Variants in NFATC2 observed in about 807,000 individuals in gnomAD.
NFATC2 encodes the protein nuclear factor of activated T cells 2, also known as nuclear factor of activated T-cells, cytoplasmic 2.
A neutral mutation model predicts 87.3 loss-of-function variants in NFATC2; 22 were observed. That is an observed-to-expected ratio of 0.25 (90% CI 0.18 to 0.36). The LOEUF (loss-of-function observed/expected upper bound fraction) is 0.36, where lower values mean the gene tolerates loss of function less well. Among genes scored for constraint, NFATC2 ranks in the 10% least tolerant of loss-of-function variants. The pLI is 1.00. For synonymous variants in NFATC2, 565 were observed against 542.2 expected (o/e 1.04, Z -0.58); for missense variants, 1,149 against 1,259.1 (o/e 0.91, Z 1.32).
intron 3 of NFATC2, among the ~76,000 whole-genome samples, chr20:51,487,140 A>G (rs1989776967): frequency 6.6e-6 from 1 of 152,198 alleles, no homozygotes; most frequent in African/African-American, 2.4e-5. Flanking sequence ...TTAGGAAACA[A>G]GGTATCTACT....
chr20:51,529,659 C>CT lies in NFATC2; in HGVS notation c.131-5550dup, dbSNP rs202064810. On this transcript the variant is annotated intron_variant, in intron 1 of 10. Coordinates refer to ENST00000371564, the MANE Select transcript of NFATC2 (RefSeq NM_012340.5). The stretch of plus-strand genomic sequence containing the variant: ...CTCAGGAGGATTTCCAAAAAGCTTG[C>CT]TTTTTTTTTAACCACTTGCACGATC... 2.4e-4 allele frequency among the ~76,000 whole-genome samples: 37 copies of CT among 151,234 alleles called. 1 individual carries two copies. The highest frequency in any genetic ancestry group is 6.8e-3 in the Middle Eastern group (2 of 292).
intron 9 of NFATC2, among the ~76,000 whole-genome samples, chr20:51,401,572 A>T (rs1255522571): frequency 6.6e-6 from 1 of 152,218 alleles, no homozygotes; most frequent in East Asian, 1.9e-4. Flanking sequence ...GCGGACGTCA[A>T]GAGAAAAGGC....
chr20:51,422,958 G>A (rs1285766014), intron 9 of NFATC2, among the ~76,000 whole-genome samples: 2 of 151,380 alleles, frequency 1.3e-5, no homozygotes, highest in Non-Finnish European at 2.9e-5. Flanking sequence ...ACTACAGCTA[G>A]CGCTGATATT....
At chr20:51,489,309 T>C (rs753963568) in intron 3 of NFATC2, among the ~76,000 whole-genome samples, 7 of 152,194 alleles carry the variant, frequency 4.6e-5, no homozygotes, top group African/African-American at 4.8e-5. Context: ...GCTTGGAGTA[T>C]AGAGGTGGTA....
At chr20:51,486,144 GAGGTTGCAGTAAGCCA>G (rs1317092806) in intron 3 of NFATC2, among the ~76,000 whole-genome samples, 3 of 152,070 alleles carry the variant, frequency 2.0e-5, no homozygotes, top group Non-Finnish European at 4.4e-5. Context: ...CCGGGAGGCA[GAGGTTGCAGTAAGCCA>G]AGATCGTGCC....
At chr20:51,556,428 G>C (rs2076978964) in intron 1 of NFATC2, among the ~76,000 whole-genome samples, 1 of 152,116 alleles carries the variant, frequency 6.6e-6, no homozygotes, top group South Asian at 2.1e-4. Flanking sequence ...TTTGGTCCCT[G>C]GTCCTTGACG....
intron 5 of NFATC2, among the ~76,000 whole-genome samples, chr20:51,465,238 A>G (rs1987560833): frequency 6.6e-6 from 1 of 152,116 alleles, no homozygotes; most frequent in South Asian, 2.1e-4. Flanking sequence ...AAATAAAAAA[A>G]TTAGCCAGGT....
At chr20:51,534,182 A>C (rs1353751460) in intron 1 of NFATC2, among the ~76,000 whole-genome samples, 1 of 151,984 alleles carries the variant, frequency 6.6e-6, no homozygotes, top group East Asian at 1.9e-4. Flanking sequence ...GGGTGCAGGG[A>C]AATTCCCAAG....
chr20:51,455,830 T>G (rs1222532533), intron 5 of NFATC2, among the ~76,000 whole-genome samples: 72 of 1,568 alleles, frequency 0.046, no homozygotes, highest in Middle Eastern at 0.12. Context: ...ATGGATGAAT[T>G]GATGGGTGGG....
intron 3 of NFATC2, among the ~76,000 whole-genome samples, chr20:51,477,533 GTCTATATA>G (rs1336345035): frequency 2.5e-4 from 17 of 68,534 alleles, no homozygotes; most frequent in African/African-American, 8.5e-4. Flanking sequence ...GTGTGTGTGT[GTCTATATA>G]TATATATATA....
At chr20:51,421,825 A>C (rs1980968756) in intron 9 of NFATC2, among the ~76,000 whole-genome samples, 1 of 152,224 alleles carries the variant, frequency 6.6e-6, no homozygotes, top group South Asian at 2.1e-4. Flanking sequence ...CCCATGGAGC[A>C]CCAGTTGGCC....
chr20:51,429,313 G>C (rs1222074221), intron 9 of NFATC2, among the ~76,000 whole-genome samples: 2 of 152,254 alleles, frequency 1.3e-5, no homozygotes, highest in Non-Finnish European at 2.9e-5. Context: ...GGGGTGGGCA[G>C]AGCCTTGGAG....
At chr20:51,428,711 G>A (rs192700084) in intron 9 of NFATC2, among the ~76,000 whole-genome samples, 3 of 152,184 alleles carry the variant, frequency 2.0e-5, no homozygotes, top group Non-Finnish European at 4.4e-5. Context: ...GCACTTGTGC[G>A]GGGGAGGGAG....
chr20:51,552,023 T>A (rs1270290954), intron 1 of NFATC2, among the ~76,000 whole-genome samples: 3 of 70,266 alleles, frequency 4.3e-5, no homozygotes, highest in Admixed American at 1.5e-4. Context: ...CGAGGCTCCA[T>A]CTCAAAAAAA....
intron 9 of NFATC2, among the ~76,000 whole-genome samples, chr20:51,400,907 G>T (rs1026238474): frequency 6.6e-6 from 1 of 152,170 alleles, no homozygotes; most frequent in Non-Finnish European, 1.5e-5. Flanking sequence ...CTGGGCTAGG[G>T]TTTCCCCAAT....
chr20:51,442,843 G>C (rs1234016567), intron 6 of NFATC2, among the ~76,000 whole-genome samples: 1 of 152,018 alleles, frequency 6.6e-6, no homozygotes, highest in Non-Finnish European at 1.5e-5. Flanking sequence ...CTCCGGCACA[G>C]CTGTACCCCA....
chr20:51,553,872 G>A (rs2076955634), intron 1 of NFATC2, among the ~76,000 whole-genome samples: 4 of 151,934 alleles, frequency 2.6e-5, no homozygotes, highest in Non-Finnish European at 1.5e-5. Context: ...GTTAATATCT[G>A]CCCATCCCCA....
chr20:51,519,133 A>G (rs1309302528), intron 2 of NFATC2, among the ~76,000 whole-genome samples: 3 of 152,298 alleles, frequency 2.0e-5, no homozygotes, highest in Middle Eastern at 6.8e-3. Flanking sequence ...CGTGTCAAAC[A>G]CTTTTACCCA....
chr20:51,430,484 A>C (rs1021182482), intron 9 of NFATC2, among the ~76,000 whole-genome samples: 1 of 152,206 alleles, frequency 6.6e-6, no homozygotes, highest in East Asian at 1.9e-4. Flanking sequence ...CTTTAACTCA[A>C]CCTGTGCTTG....
Sources: allele counts gnomAD v4.1 joint callset (sites outside exome capture counted in the v4.1 genomes callset), GRCh38; gene constraint gnomAD v4.1.1; transcripts MANE v1.5; gene names NCBI Gene and HGNC (gene_info 2026-07-23, HGNC 2026-07-21).